The following WBP4 variants were observed in gnomAD, a reference collection of about 807,000 sequenced individuals.
The protein encoded by WBP4 is WW domain-binding protein 4.
In WBP4, 37 loss-of-function variants were observed where a neutral mutation model predicts 55.4. The ratio of observed to expected loss-of-function variants is 0.67; its 90% CI spans 0.51 to 0.88. The LOEUF (loss-of-function observed/expected upper bound fraction) is 0.88. WBP4 is among the 40% of genes least tolerant of loss of function. The pLI, the probability that WBP4 is intolerant of heterozygous loss-of-function variation, is 0.00. For missense variants in WBP4, 398 were observed against 420.8 expected (o/e 0.95, Z 0.47); for synonymous variants, 142 against 140.2 (o/e 1.01, Z -0.09).
intron 5 of WBP4, among the ~76,000 whole-genome samples, chr13:41,070,638 C>T (rs1175576899): frequency 6.6e-6 from 1 of 151,920 alleles, no homozygotes; most frequent in East Asian, 1.9e-4. Context: ...TTGATGGTTA[C>T]AGTGTGGAGC....
chr13:41,075,614 C>G (rs946276334), intron 7 of WBP4, among the ~76,000 whole-genome samples: 1 of 152,138 alleles, frequency 6.6e-6, no homozygotes, highest in Non-Finnish European at 1.5e-5. Flanking sequence ...CTCCTGAGTT[C>G]AAGCAATCCT....
chr13:41,066,805 T>C (rs957989582), intron 4 of WBP4, among the ~76,000 whole-genome samples: 2 of 152,202 alleles, frequency 1.3e-5, no homozygotes, highest in Non-Finnish European at 2.9e-5. Context: ...TTTACACTTA[T>C]TTTTCTCTGT....
intron 1 of WBP4, chr13:41,062,073 G>A (rs1295889813): frequency 1.1e-5 from 11 of 982,676 alleles, no homozygotes; most frequent in African/African-American, 1.8e-5. Context: ...CACTGGAAGC[G>A]GCCAGCCCTG....
At chr13:41,061,860 C>T (rs1877663907) in intron 1 of WBP4, among the ~76,000 whole-genome samples, 185 bp downstream of exon 1, 1 of 152,138 alleles carries the variant, frequency 6.6e-6, no homozygotes, top group South Asian at 2.1e-4. Context: ...AAATGTTACC[C>T]CGCTGAACGC....
intron 7 of WBP4, among the ~76,000 whole-genome samples, chr13:41,074,880 A>G (rs1001960683): frequency 1.3e-5 from 2 of 152,194 alleles, no homozygotes; most frequent in Admixed American, 1.3e-4. Context: ...CTGTGGTCCC[A>G]GTTACTCGGG....
chr13:41,067,779 C>T lies in WBP4; in HGVS notation c.263-782C>T, dbSNP rs147495590. 7.2e-4 allele frequency among the ~76,000 whole-genome samples: 110 copies of T among 152,212 alleles called. 1 individual carries two copies. The East Asian group carries it at 0.017, about 23-fold the overall frequency. ...AAAGGATCTTTGTTAGGAATATTAA[C>T]CCTTTGCCATATTTATTGTAAATAT... On this transcript the variant is annotated intron_variant, in intron 4 of 9. Transcript: ENST00000379487.
intron 5 of WBP4, among the ~76,000 whole-genome samples, chr13:41,069,446 A>G (rs1878130643): frequency 6.6e-6 from 1 of 152,078 alleles, no homozygotes; most frequent in Non-Finnish European, 1.5e-5. Flanking sequence ...GCAGATCACA[A>G]GGTCAGGAGA....
At position 41,072,765 on chromosome 13, in the gene WBP4, T is replaced by C. The variant is rs774844842; in HGVS notation, c.487-17T>C. 1 of 1,609,692 alleles carries C rather than the reference T, an allele frequency of 6.2e-7. No individual in the cohort carries two copies. The highest frequency in any genetic ancestry group is 8.5e-7 in the Non-Finnish European group (1 of 1,178,302). On this transcript the variant is annotated splice_polypyrimidine_tract_variant and intron_variant, in intron 6 of 9. Coordinates refer to ENST00000379487, the MANE Select transcript of WBP4 (RefSeq NM_007187.5). The stretch of plus-strand genomic sequence containing the variant: ...TGGTTATCCTTAGTTTATGCTGGGT[T>C]TTTTTCCTCCTATTAGACAGCAGTG...
chr13:41,067,336 T>C (rs531021487), intron 4 of WBP4, among the ~76,000 whole-genome samples: 104 of 152,394 alleles, frequency 6.8e-4, no homozygotes, highest in African/African-American at 2.4e-3. Context: ...TCACTACTTA[T>C]TGATCTTCTG....
In WBP4 at chr13:41,082,859, G is replaced by T; in HGVS notation, c.1076G>T (p.Arg359Ile). ...ADGVAPVFKK[R>I]RTENGKSRNL... Reference sequence around the variant, plus strand: ...GGAGTGGCCCCAGTCTTCAAAAAGAGAAGAACTGAAAATGGAAAATCTAGA... The same window carrying T: ...GGAGTGGCCCCAGTCTTCAAAAAGATAAGAACTGAAAATGGAAAATCTAGA... Residue 359 changes from arginine to isoleucine, a missense_variant, in exon 10 of 10, where the codon AGA becomes ATA. Coordinates refer to ENST00000379487, the MANE Select transcript of WBP4 (RefSeq NM_007187.5). The T allele has an allele frequency of 6.2e-7, 1 of 1,614,082 alleles. No homozygotes were observed. Among genetic ancestry groups the T allele is most frequent in the South Asian group, 1.1e-5 (1 of 91,080 alleles).
chr13:41,062,064 A>T (rs917864824), intron 1 of WBP4: 2 of 957,056 alleles, frequency 2.1e-6, no homozygotes, highest in South Asian at 5.0e-5. Context: ...TCCCCCGCCC[A>T]CTGGAAGCGG....
Position 41,082,694 on chromosome 13 carries a change from C to CT in WBP4, c.921-9dup. The CT allele has an allele frequency of 1.2e-6, 2 of 1,613,244 alleles. No homozygotes were observed. Among genetic ancestry groups the CT allele is most frequent in the Non-Finnish European group, 1.7e-6 (2 of 1,179,610 alleles). On this transcript the variant is annotated splice_polypyrimidine_tract_variant and intron_variant, in intron 9 of 9. Coordinates refer to ENST00000379487, the MANE Select transcript of WBP4 (RefSeq NM_007187.5). ...TGTCAAATAGAGTTTTACTTTAACT[C>CT]TATTTCCAGTGAGGAGGTAGATTTG...
chr13:41,076,498 G>T (rs1174159687), intron 8 of WBP4, among the ~76,000 whole-genome samples: 3 of 151,868 alleles, frequency 2.0e-5, no homozygotes, highest in Non-Finnish European at 4.4e-5. Context: ...AACCAGGATG[G>T]TCTTGATCTC....
At chr13:41,064,724 AT>A (rs918211569) in intron 2 of WBP4, among the ~76,000 whole-genome samples, 28 of 152,210 alleles carry the variant, frequency 1.8e-4, no homozygotes, top group Middle Eastern at 6.8e-3. Context: ...CATTACAATC[AT>A]AGTCACTAGA....
At chr13:41,078,791 C>A (rs1363855261) in intron 8 of WBP4, among the ~76,000 whole-genome samples, 1 of 151,658 alleles carries the variant, frequency 6.6e-6, no homozygotes, top group African/African-American at 2.4e-5. Flanking sequence ...CGTGCCGTTG[C>A]ATTCCAGCCT....
chr13:41,080,235 A>G (rs1262117720), intron 8 of WBP4, among the ~76,000 whole-genome samples: 1 of 152,204 alleles, frequency 6.6e-6, no homozygotes, highest in Non-Finnish European at 1.5e-5. Flanking sequence ...TAGGAAAAGG[A>G]AAAAAATTAC....
intron 4 of WBP4, among the ~76,000 whole-genome samples, chr13:41,067,524 T>TA (rs1878026378): frequency 6.6e-6 from 1 of 151,928 alleles, no homozygotes; most frequent in Non-Finnish European, 1.5e-5. Context: ...TACTACAATA[T>TA]AAAAATAAAA....
rs1221479938 is a variant in WBP4, at chr13:41,065,267, A to G, written c.242A>G (p.Lys81Arg). 8 of 1,603,214 alleles carry G rather than the reference A, an allele frequency of 5.0e-6. No individual in the cohort carries two copies. Among genetic ancestry groups the G allele is most frequent in the Non-Finnish European group, 6.8e-6 (8 of 1,177,028 alleles). Residue 81 changes from lysine to arginine, a missense_variant, in exon 4 of 10, where the codon AAA becomes AGA. Transcript: ENST00000379487. The stretch of plus-strand genomic sequence containing the variant: ...CTGAAAGCATACCAAGAGGATTTGA[A>G]AAGACTTGGCTTAGAGTCAGGTAAA... ...AALKAYQEDLKRLGLESEILE... is the reference protein window; with the variant it reads ...AALKAYQEDLRRLGLESEILE...
intron 9 of WBP4, among the ~76,000 whole-genome samples, chr13:41,081,997 A>G (rs1878800728): frequency 6.6e-6 from 1 of 152,218 alleles, no homozygotes; most frequent in Non-Finnish European, 1.5e-5. Flanking sequence ...ACTCTTTCAC[A>G]GACCAGTTGA....
Sources: allele counts gnomAD v4.1 joint callset (sites outside exome capture counted in the v4.1 genomes callset), GRCh38; gene constraint gnomAD v4.1.1; transcripts MANE v1.5; gene names NCBI Gene and HGNC (gene_info 2026-07-23, HGNC 2026-07-21).